The following RIMBP2 variants were observed in gnomAD, a reference collection of about 807,000 sequenced individuals.
RIMBP2 encodes RIMS-binding protein 2.
A neutral mutation model predicts 118.6 loss-of-function variants in RIMBP2; 48 were observed. The ratio of observed to expected loss-of-function variants is 0.40; its 90% CI spans 0.32 to 0.51. RIMBP2 has a LOEUF of 0.51. RIMBP2 is among the 20% of genes least tolerant of loss of function. The pLI is 0.41. For missense variants in RIMBP2, 1,551 were observed against 1,768.3 expected (o/e 0.88, Z 2.20); for synonymous variants, 762 against 742.9 (o/e 1.03, Z -0.42).
At chr12:130,478,754 A>C (rs552565925) in intron 5 of RIMBP2, among the ~76,000 whole-genome samples, 158 bp downstream of exon 5, 19 of 152,366 alleles carry the variant, frequency 1.2e-4, no homozygotes, top group African/African-American at 4.6e-4. Flanking sequence ...ACACCACAGC[A>C]GGAAAGCAGA....
At chr12:130,689,431 C>A (rs1384934108) in intron 1 of RIMBP2, among the ~76,000 whole-genome samples, 1 of 152,200 alleles carries the variant, frequency 6.6e-6, no homozygotes, top group Admixed American at 6.5e-5. Flanking sequence ...GAAATTCCAT[C>A]TCAAAAATTA....
chr12:130,479,052 A>G, intron 4 of RIMBP2, 36 bp from the exon 5 acceptor site: 2 of 1,569,514 alleles, frequency 1.3e-6, no homozygotes, highest in African/African-American at 2.7e-5. Context: ...TGAGCAGGGC[A>G]GCCTGTGCCC....
intron 2 of RIMBP2, among the ~76,000 whole-genome samples, chr12:130,588,506 G>A (rs754077596): frequency 1.3e-5 from 2 of 152,122 alleles, no homozygotes; most frequent in Admixed American, 6.6e-5. Context: ...ACCTTGTCCC[G>A]GTCACTGCGA....
intron 1 of RIMBP2, among the ~76,000 whole-genome samples, chr12:130,634,168 G>A (rs1040431891): frequency 2.6e-5 from 4 of 152,130 alleles, no homozygotes; most frequent in Admixed American, 6.5e-5. Flanking sequence ...TCTTCCCCCC[G>A]AATCTCCCCA....
chr12:130,423,976 G>T (rs536569853), intron 16 of RIMBP2, among the ~76,000 whole-genome samples, 166 bp downstream of exon 16: 6 of 152,262 alleles, frequency 3.9e-5, no homozygotes, highest in South Asian at 4.1e-4. Flanking sequence ...ATGGTCAAAA[G>T]GTTGGGAAGC....
At chr12:130,499,481 A>G (rs1188617465) in intron 4 of RIMBP2, among the ~76,000 whole-genome samples, 3 of 152,224 alleles carry the variant, frequency 2.0e-5, no homozygotes, top group Admixed American at 6.5e-5. Flanking sequence ...GGAAGGAAAG[A>G]GCCAAAGTCC....
intron 2 of RIMBP2, among the ~76,000 whole-genome samples, chr12:130,594,253 A>T (rs1173918672): frequency 6.6e-6 from 1 of 152,226 alleles, no homozygotes; most frequent in South Asian, 2.1e-4. Flanking sequence ...CAGACTGTTC[A>T]CCATCAGAAA....
Position 130,688,985 on chromosome 12 carries a change from A to G in RIMBP2, c.-352+27237T>C, listed in dbSNP as rs2065194718. 1.3e-5 allele frequency among the ~76,000 whole-genome samples: 2 copies of G among 152,110 alleles called. No individual in the cohort carries two copies. Among genetic ancestry groups the G allele is most frequent in the South Asian group, 4.1e-4 (2 of 4,834 alleles). The stretch of plus-strand genomic sequence containing the variant: ...GCGCCGATATCCTCTGTCCCTTTTC[A>G]TTTCTGAAAAGCGCCGGTTACAGCC... On this transcript the variant is annotated intron_variant, in intron 1 of 22. Coordinates refer to ENST00000690449, the MANE Select transcript of RIMBP2 (RefSeq NM_001393629.1). This position sits in a 1 kb window ranked among gnomAD's most constrained non-coding sequence, Gnocchi z 4.7.
At chr12:130,467,057 T>C (rs1474499524) in intron 6 of RIMBP2, among the ~76,000 whole-genome samples, 2 of 152,226 alleles carry the variant, frequency 1.3e-5, no homozygotes, top group Non-Finnish European at 2.9e-5. Flanking sequence ...CCTAACTCCA[T>C]CGTGCTTCTA....
chr12:130,461,155 A>G (rs2079953934), intron 6 of RIMBP2, among the ~76,000 whole-genome samples: 1 of 152,092 alleles, frequency 6.6e-6, no homozygotes, highest in South Asian at 2.1e-4. Context: ...TGCCCTAGCC[A>G]CACTGCCCTG....
chr12:130,461,066 G>A (rs569700103), intron 6 of RIMBP2, among the ~76,000 whole-genome samples: 10 of 152,264 alleles, frequency 6.6e-5, no homozygotes, highest in Middle Eastern at 3.4e-3. Context: ...GGACCCATCC[G>A]CACGACCCAG....
At chr12:130,477,164 G>T (rs1319371821) in intron 5 of RIMBP2, among the ~76,000 whole-genome samples, 1 of 152,210 alleles carries the variant, frequency 6.6e-6, no homozygotes, top group Non-Finnish European at 1.5e-5. Context: ...AGTGCGGGGG[G>T]ATAAAGAACG....
intron 1 of RIMBP2, among the ~76,000 whole-genome samples, chr12:130,664,052 T>C (rs1257401915): frequency 6.6e-6 from 1 of 151,454 alleles, no homozygotes; most frequent in Non-Finnish European, 1.5e-5. Context: ...TTGTTTTAAT[T>C]GACAAAAAGA....
At chr12:130,477,851 C>A (rs1038600215) in intron 5 of RIMBP2, among the ~76,000 whole-genome samples, 1 of 152,210 alleles carries the variant, frequency 6.6e-6, no homozygotes, top group Admixed American at 6.5e-5. Context: ...CCCATCCCAG[C>A]CAGCACCGGG....
At chr12:130,637,212 G>A (rs2062390842) in intron 1 of RIMBP2, among the ~76,000 whole-genome samples, 1 of 152,210 alleles carries the variant, frequency 6.6e-6, no homozygotes. Flanking sequence ...TCTCAGCAGA[G>A]GCTAAAGCCC....
At position 130,422,333 on chromosome 12, in the gene RIMBP2, T is replaced by A; in HGVS notation, c.3238+120A>T. 1.7e-6 allele frequency: 1 copy of A among 605,570 alleles called. No homozygotes were observed. 37.5% of individuals were successfully genotyped at this position (605,570 alleles called of 1,614,324 possible). On this transcript the variant is annotated intron_variant, in intron 17 of 22. Coordinates refer to ENST00000690449, the MANE Select transcript of RIMBP2 (RefSeq NM_001393629.1). The surrounding 1 kb of genome is among the most constrained non-coding windows in gnomAD (Gnocchi z 5.2). Reference sequence around the variant, plus strand: ...GTTCCTGCCTTCTTTTTGCCATGAATAACAGTGTTCTTTGCTTAGCGGAAA... The same window carrying A: ...GTTCCTGCCTTCTTTTTGCCATGAAAAACAGTGTTCTTTGCTTAGCGGAAA...
intron 4 of RIMBP2, among the ~76,000 whole-genome samples, chr12:130,492,659 A>G (rs1180415045): frequency 6.6e-6 from 1 of 152,196 alleles, no homozygotes; most frequent in African/African-American, 2.4e-5. Context: ...AGCCAAGTAG[A>G]GGGGATCTTA....
chr12:130,486,940 G>A (rs1217996170), intron 4 of RIMBP2, among the ~76,000 whole-genome samples: 1 of 151,920 alleles, frequency 6.6e-6, no homozygotes, highest in African/African-American at 2.4e-5. Flanking sequence ...GCCACTGGCT[G>A]CACCAGAGAT....
chr12:130,457,332 TG>T (rs997571901), intron 6 of RIMBP2, among the ~76,000 whole-genome samples: 16 of 152,296 alleles, frequency 1.1e-4, no homozygotes, highest in African/African-American at 3.8e-4. Flanking sequence ...TCGGGAGCCC[TG>T]GGGAAGGCAA....
Sources: gnomAD v4.1 joint callset for allele counts (sites outside exome capture counted in the v4.1 genomes callset) on GRCh38, gnomAD v4.1.1 for gene constraint, Gnocchi (gnomAD v3.1) non-coding constraint, MANE v1.5 for transcripts, NCBI Gene and HGNC (gene_info 2026-07-23, HGNC 2026-07-21) for gene names.